The following PPP1R12A variants were observed in gnomAD, a reference collection of about 807,000 sequenced individuals.
The protein encoded by PPP1R12A is myosin binding subunit.
A neutral mutation model predicts 139.6 loss-of-function variants in PPP1R12A; 19 were observed. That is an observed-to-expected ratio of 0.14 (90% CI 0.09 to 0.20). PPP1R12A has a LOEUF of 0.20. PPP1R12A is among the 10% of genes least tolerant of loss of function. The probability of loss-of-function intolerance (pLI) is 1.00; values close to 1 mark genes in which losing one functional copy is unlikely to be tolerated. For missense variants in PPP1R12A, 925 were observed against 1,211.5 expected, an observed-to-expected ratio of 0.76 and a Z score of 3.51; for synonymous variants, 427 against 420.6, an observed-to-expected ratio of 1.02 and a Z score of -0.19.
chr12:79,846,199 T>A (rs982272391), intron 2 of PPP1R12A, among the ~76,000 whole-genome samples: 2 of 152,250 alleles, frequency 1.3e-5, no homozygotes, highest in Admixed American at 6.5e-5. Flanking sequence ...ATATATTTTT[T>A]AAATATTTTG....
intron 2 of PPP1R12A, among the ~76,000 whole-genome samples, chr12:79,853,800 AG>A (rs372518607): frequency 5.7e-4 from 87 of 152,358 alleles, no homozygotes; most frequent in African/African-American, 2.0e-3. Flanking sequence ...CAGAGGCAAA[AG>A]TACTACTTAT....
At chr12:79,891,733 GC>G (rs1884663684) in intron 1 of PPP1R12A, among the ~76,000 whole-genome samples, 1 of 152,108 alleles carries the variant, frequency 6.6e-6, no homozygotes, top group Admixed American at 6.6e-5. Flanking sequence ...TTCCATCTTG[GC>G]ATGCACCCTC....
rs1056783600 is a variant in PPP1R12A, at chr12:79,786,301, T to A, written c.2907+73A>T. 8 of 960,410 alleles carry A rather than the reference T, an allele frequency of 8.3e-6. No homozygotes were observed. The East Asian group carries it at 1.8e-4, about 21-fold the overall frequency. The allele number at this position is 960,410 out of a possible 1,614,324, so 59.5% of individuals were successfully genotyped here. A position where few individuals can be genotyped will look rare whatever the true frequency, so the allele number is the denominator to read the frequency against. ...CTTCTATTTAGAGTATTAGAAAAAA[T>A]TTTAATACCATTTTTAGATGGGATA... is the stretch of plus-strand genomic sequence containing the variant. On this transcript the variant is annotated intron_variant, in intron 22 of 24. Transcript: ENST00000450142.
intron 17 of PPP1R12A, 55 bp from the exon 18 acceptor site, chr12:79,795,814 C>A (rs1404060218): frequency 1.3e-6 from 2 of 1,562,220 alleles, no homozygotes; most frequent in African/African-American, 1.4e-5. Context: ...CAATATTTTG[C>A]AAGGTAATTG....
rs187726879 is a variant in PPP1R12A at position 79,865,475 on chromosome 12, C to T, written c.368+7333G>A. 2.6e-5 allele frequency among the ~76,000 whole-genome samples: 4 copies of T among 152,272 alleles called. No individual in the cohort carries two copies. The East Asian group carries it at 7.7e-4, about 29-fold the overall frequency. On this transcript the variant is annotated intron_variant, in intron 2 of 24. Transcript: ENST00000450142. ...TATTGGAAGTTCTGGCCAGGGCAAT[C>T]AGGCAAGAGAAAGCAATAAAACGTA...
At chr12:79,862,700 GC>G (rs1316578392) in intron 2 of PPP1R12A, among the ~76,000 whole-genome samples, 1 of 152,094 alleles carries the variant, frequency 6.6e-6, no homozygotes, top group East Asian at 1.9e-4. Context: ...ATTCGATCAG[GC>G]AGAAGAAATG....
At chr12:79,809,056 G>T (rs567546817) in intron 10 of PPP1R12A, among the ~76,000 whole-genome samples, 1 of 152,084 alleles carries the variant, frequency 6.6e-6, no homozygotes, top group Non-Finnish European at 1.5e-5. Flanking sequence ...ATGGCTAAGA[G>T]TGTGTAGTGA....
At chr12:79,800,680 C>T (rs1368677676) in intron 14 of PPP1R12A, among the ~76,000 whole-genome samples, 2 of 151,838 alleles carry the variant, frequency 1.3e-5, no homozygotes. Flanking sequence ...CCATGTATCT[C>T]CCTCTCAAAA....
upstream of PPP1R12A, chr12:79,935,355 G>A: frequency 2.0e-6 from 2 of 1,005,834 alleles, no homozygotes; most frequent in Non-Finnish European, 1.2e-6. Flanking sequence ...GGACAGACCT[G>A]GAAAGGAGGA....
intron 23 of PPP1R12A, chr12:79,780,226 CAAAAAA>C (rs147751503): frequency 7.2e-6 from 1 of 139,146 alleles, no homozygotes; most frequent in Non-Finnish European, 1.6e-5. Context: ...GACAAACAAA[CAAAAAA>C]AAAACACAAG....
At chr12:79,780,660 T>C (rs1187023780) in intron 23 of PPP1R12A, 1 of 152,190 alleles carries the variant, frequency 6.6e-6, no homozygotes, top group African/African-American at 2.4e-5. Context: ...TCTCAACCGT[T>C]AGTATAACAG....
chr12:79,886,469 T>A lies in PPP1R12A; in HGVS notation c.238-13531A>T, dbSNP rs79232118. Among the ~76,000 whole-genome samples the A allele has an allele frequency of 5.4e-3, 821 of 152,246 alleles. 5 individuals are homozygous for A. The highest frequency in any genetic ancestry group is 0.019 in the African/African-American group (780 of 41,560). ...AATCTATCCACACAATAATTAAATA[T>A]TCAAATGAGATTCAAATGACAAGAT... is the stretch of plus-strand genomic sequence containing the variant. On this transcript the variant is annotated intron_variant, in intron 1 of 24. Coordinates refer to ENST00000450142, the MANE Select transcript of PPP1R12A (RefSeq NM_002480.3).
chr12:79,913,907 A>G (rs1242058618), intron 1 of PPP1R12A: 1 of 152,180 alleles, frequency 6.6e-6, no homozygotes, highest in Non-Finnish European at 1.5e-5. Flanking sequence ...TTACAAGCAT[A>G]TGATGGAGTT....
At chr12:79,930,729 G>A (rs1042655221) in intron 1 of PPP1R12A, among the ~76,000 whole-genome samples, 4 of 151,992 alleles carry the variant, frequency 2.6e-5, no homozygotes, top group Non-Finnish European at 4.4e-5. Context: ...CCAAGATAGC[G>A]CCATTGCACT....
intron 2 of PPP1R12A, among the ~76,000 whole-genome samples, chr12:79,855,928 A>C (rs1407377949): frequency 1.3e-5 from 2 of 152,166 alleles, no homozygotes; most frequent in Non-Finnish European, 2.9e-5. Context: ...ACAGTAAAAA[A>C]AAAAACACAG....
intron 1 of PPP1R12A, among the ~76,000 whole-genome samples, chr12:79,894,832 A>G (rs1422646463): frequency 2.6e-5 from 4 of 152,180 alleles, no homozygotes; most frequent in Non-Finnish European, 4.4e-5. Context: ...TAAAACACCT[A>G]ACACGCTTTT....
chr12:79,793,386 G>T (rs1022472266), intron 19 of PPP1R12A, among the ~76,000 whole-genome samples: 1 of 152,142 alleles, frequency 6.6e-6, no homozygotes, highest in Non-Finnish European at 1.5e-5. Context: ...GTAAAAGAAA[G>T]TTAAAAGATG....
intron 1 of PPP1R12A, among the ~76,000 whole-genome samples, chr12:79,878,749 A>G (rs1883355179): frequency 6.6e-6 from 1 of 152,070 alleles, no homozygotes; most frequent in Non-Finnish European, 1.5e-5. Flanking sequence ...GTGAGAACTC[A>G]CTCACTATCA....
intron 9 of PPP1R12A, among the ~76,000 whole-genome samples, chr12:79,813,965 G>A (rs374022946): frequency 1.1e-4 from 17 of 152,182 alleles, no homozygotes; most frequent in African/African-American, 3.9e-4. Flanking sequence ...AATATTAGAA[G>A]TGGAGTCATG....
Sources: allele counts gnomAD v4.1 joint callset (sites outside exome capture counted in the v4.1 genomes callset), GRCh38; gene constraint gnomAD v4.1.1; transcripts MANE v1.5; gene names NCBI Gene and HGNC (gene_info 2026-07-23, HGNC 2026-07-21).